Variants in RIPK4 observed in about 807,000 individuals in gnomAD.
The protein encoded by RIPK4 is receptor-interacting serine/threonine-protein kinase 4.
Under a neutral mutation model 42.9 loss-of-function variants are expected in RIPK4, and 17 were observed. The observed-to-expected ratio is 0.40, with a 90% confidence interval of 0.27 to 0.59. RIPK4 has a LOEUF of 0.59. Among genes scored for constraint, RIPK4 ranks in the 20% least tolerant of loss-of-function variants. The probability of loss-of-function intolerance (pLI) is 0.47; values close to 1 mark genes in which losing one functional copy is unlikely to be tolerated. For missense variants in RIPK4, 897 were observed against 1,104.4 expected, an observed-to-expected ratio of 0.81 and a Z score of 2.66; for synonymous variants, 498 against 499.1, an observed-to-expected ratio of 1.00 and a Z score of 0.03.
intron 4 of RIPK4, 40 bp downstream of exon 4, chr21:41,749,114 A>G: frequency 1.2e-6 from 2 of 1,607,874 alleles, no homozygotes; most frequent in South Asian, 2.2e-5. Flanking sequence ...TTATTCCAGG[A>G]AAGACAAGCA....
At chr21:41,754,028 G>C (rs1372300959) in intron 2 of RIPK4, among the ~76,000 whole-genome samples, 1 of 152,184 alleles carries the variant, frequency 6.6e-6, no homozygotes, top group African/African-American at 2.4e-5. Flanking sequence ...GTAGACAGTT[G>C]CTGTGATATT....
At chr21:41,749,673 A>T (rs1385959352) in intron 3 of RIPK4, among the ~76,000 whole-genome samples, 2 of 152,176 alleles carry the variant, frequency 1.3e-5, no homozygotes, top group Non-Finnish European at 1.5e-5. Flanking sequence ...CAGCGTTCCT[A>T]ACGTAGGCTT....
chr21:41,751,383 T>C lies in RIPK4; in HGVS notation c.475-138A>G. 1 of 1,174,826 alleles carries C rather than the reference T, an allele frequency of 8.5e-7. No individual in the cohort carries two copies. The highest frequency in any genetic ancestry group is 1.2e-6 in the Non-Finnish European group (1 of 852,730). The allele number at this position is 1,174,826 out of a possible 1,614,324, so 72.8% of individuals were successfully genotyped here. On this transcript the variant is annotated intron_variant, in intron 2 of 7. Transcript: ENST00000332512. This position sits in a 1 kb window ranked among gnomAD's most constrained non-coding sequence, Gnocchi z 4.5. ...AGCCCCTAAGAGCCGTGTCTGTGCC[T>C]CTCCAGGTAGCCCTGCCCCAGGCAG...
intron 1 of RIPK4, among the ~76,000 whole-genome samples, chr21:41,765,793 G>C (rs1456849186): frequency 6.6e-6 from 1 of 152,250 alleles, no homozygotes; most frequent in Admixed American, 6.5e-5. Flanking sequence ...TAGAAGGTAA[G>C]CTTCATTAAA....
At chr21:41,746,812 G>A (rs1422048248) in intron 4 of RIPK4, 41 bp from the exon 5 acceptor site, 2 of 1,535,638 alleles carry the variant, frequency 1.3e-6, no homozygotes, top group Non-Finnish European at 1.7e-6. Flanking sequence ...CTGCAGGGCT[G>A]GGTGGCAGCA....
Position 41,766,971 on chromosome 21 carries a change from C to A in RIPK4, c.71G>T (p.Gly24Val), listed in dbSNP as rs764919395. 6.2e-7 allele frequency: 1 copy of A among 1,606,254 alleles called. No homozygotes were observed. The highest frequency in any genetic ancestry group is 1.7e-5 in the Admixed American group (1 of 59,736). Residue 24 changes from glycine to valine, a missense_variant, in exon 1 of 8, where the codon GGC (glycine) becomes GTC (valine). By Grantham distance (109) the Gly-to-Val change is moderately radical. Coordinates refer to ENST00000332512, the MANE Select transcript of RIPK4 (RefSeq NM_020639.3). ...LRTFDAGEFT[G>V]WEKVGSGGFG... ...GCCGCCCGAGCCCACCTTCTCCCAG[C>A]CCGTGAACTCGCCCGCGTCGAAGGT...
intron 1 of RIPK4, among the ~76,000 whole-genome samples, chr21:41,758,251 C>T (rs984455201): frequency 2.0e-5 from 3 of 151,896 alleles, no homozygotes; most frequent in Non-Finnish European, 4.4e-5. Context: ...TAACTCCTTC[C>T]CTCATCCCCA....
intron 1 of RIPK4, among the ~76,000 whole-genome samples, chr21:41,759,606 G>A (rs549437756): frequency 2.0e-5 from 3 of 152,302 alleles, no homozygotes; most frequent in South Asian, 2.1e-4. Context: ...TGCCACAGCA[G>A]GGGGCTCTTC....
At chr21:41,754,437 C>T (rs1427751805) in intron 2 of RIPK4, among the ~76,000 whole-genome samples, 1 of 152,200 alleles carries the variant, frequency 6.6e-6, no homozygotes, top group Non-Finnish European at 1.5e-5. Context: ...GTACACAGGG[C>T]CCTAAGATGT....
At chr21:41,752,803 T>C (rs2061192396) in intron 2 of RIPK4, among the ~76,000 whole-genome samples, 1 of 152,060 alleles carries the variant, frequency 6.6e-6, no homozygotes, top group African/African-American at 2.4e-5. Context: ...GAGGGGAACA[T>C]CACACGCCGG....
chr21:41,748,154 G>A (rs923989376), intron 4 of RIPK4, among the ~76,000 whole-genome samples: 1 of 152,214 alleles, frequency 6.6e-6, no homozygotes, highest in Non-Finnish European at 1.5e-5. Context: ...GCCAGCAGAG[G>A]CCTGGCAGGA....
At chr21:41,745,641 G>T in intron 6 of RIPK4, 118 bp downstream of exon 6, 1 of 726,864 alleles carries the variant, frequency 1.4e-6, no homozygotes, top group South Asian at 1.7e-5. Flanking sequence ...GTGCGGGATG[G>T]GCTCAGAAGA....
At chr21:41,760,732 G>A (rs778176114) in intron 1 of RIPK4, among the ~76,000 whole-genome samples, 45 of 152,088 alleles carry the variant, frequency 3.0e-4, no homozygotes, top group Non-Finnish European at 5.0e-4. Flanking sequence ...CGGTGGACGC[G>A]GGAGCACCCC....
At position 41,741,355 on chromosome 21, in the gene RIPK4, T is replaced by C. The variant is rs866367519; in HGVS notation, c.1838A>G (p.Gln613Arg). The change falls in exon 8 of 8, where the codon CAG (glutamine) becomes CGG (arginine). Residue 613 changes from glutamine (Q) to arginine (R), a missense_variant. Gln to Arg is a conservative substitution (Grantham distance 43). Coordinates refer to ENST00000332512, the MANE Select transcript of RIPK4 (RefSeq NM_020639.3). ...DGRTPLHLAA[Q>R]RGHYRVARIL... The stretch of plus-strand genomic sequence containing the variant: ...GCGGGCCACGCGGTAGTGCCCGCGC[T>C]GTGCGGCCAGGTGCAATGGCGTCCT... The C allele has an allele frequency of 5.0e-6, 8 of 1,611,498 alleles. No homozygotes were observed. Among genetic ancestry groups the C allele is most frequent in the East Asian group, 2.2e-5 (1 of 44,862 alleles).
intron 4 of RIPK4, among the ~76,000 whole-genome samples, chr21:41,748,267 G>A (rs1356300815): frequency 1.3e-5 from 2 of 152,188 alleles, no homozygotes; most frequent in East Asian, 3.9e-4. Context: ...CCATACATCG[G>A]CTCCTAGTCT....
rs766424521 is a variant in RIPK4 at position 41,744,016 on chromosome 21, C to T, written c.1061G>A (p.Ser354Asn). ...CAGCTTGGACTCAGAGGAGCTGCGGCTGAGCTCCTCGGGGCCCTCGACAGC... is the reference window on the plus strand; with the variant it reads ...CAGCTTGGACTCAGAGGAGCTGCGGTTGAGCTCCTCGGGGCCCTCGACAGC... ...SQAVEGPEEL[S>N]RSSSESKLPS... The change falls in exon 7 of 8, where the codon AGC becomes AAC. Residue 354 changes from serine (S) to asparagine (N), a missense_variant. Physicochemically the swap from Ser to Asn is conservative, Grantham distance 46 (BLOSUM62 1). Transcript: ENST00000332512. The T allele has an allele frequency of 1.9e-6, 3 of 1,613,380 alleles. No homozygotes were observed. The highest frequency in any genetic ancestry group is 2.5e-6 in the Non-Finnish European group (3 of 1,180,020).
Position 41,761,514 on chromosome 21 carries a change from C to G in RIPK4, c.183-4698G>C, listed in dbSNP as rs369116254. On this transcript the variant is annotated intron_variant, in intron 1 of 7. Coordinates refer to ENST00000332512, the MANE Select transcript of RIPK4 (RefSeq NM_020639.3). ...CCTCCCTCCTCCGGACACTCTGCCC[C>G]GGGGCGCTGGCGAAAGTCCTTCCGT... Among the ~76,000 whole-genome samples, 66 of 152,174 alleles carry G rather than the reference C, an allele frequency of 4.3e-4. No individual in the cohort carries two copies. The Middle Eastern group carries it at 0.014, about 31-fold the overall frequency.
Position 41,741,650 on chromosome 21 carries a change from CG to C in RIPK4, c.1542del (p.Asn514LysfsTer50), listed in dbSNP as rs1569098988. The C allele has an allele frequency of 6.2e-7, 1 of 1,613,658 alleles. No individual in the cohort carries two copies. The highest frequency in any genetic ancestry group is 1.1e-5 in the South Asian group (1 of 91,090). ...AGCAGCCGTGTGCTAGACTCGTCCC[CG>C]TTCTGGGCTGCAAAGTGGAGGGCTG... ...QWTALHFAAQ[N>X]GDESSTRLLL... On this transcript the variant is annotated frameshift_variant, in exon 8 of 8. Coordinates refer to ENST00000332512, the MANE Select transcript of RIPK4 (RefSeq NM_020639.3). LOFTEE classifies it low-confidence loss of function (END_TRUNC).
At chr21:41,764,528 C>T (rs1312058062) in intron 1 of RIPK4, among the ~76,000 whole-genome samples, 2 of 151,942 alleles carry the variant, frequency 1.3e-5, no homozygotes, top group African/African-American at 4.8e-5. Context: ...CACAAAGACC[C>T]TAGGAGAATC....
Sources: allele counts gnomAD v4.1 joint callset (sites outside exome capture counted in the v4.1 genomes callset), GRCh38; gene constraint gnomAD v4.1.1; non-coding constraint Gnocchi (gnomAD v3.1); transcripts MANE v1.5; gene names NCBI Gene and HGNC (gene_info 2026-07-23, HGNC 2026-07-21).